The following ITGA7 variants were observed in gnomAD, a reference collection of about 807,000 sequenced individuals.
The protein encoded by ITGA7 is integrin subunit alpha 7.
Under a neutral mutation model 131.6 loss-of-function variants are expected in ITGA7, and 84 were observed. The observed-to-expected ratio is 0.64, with a 90% CI of 0.54 to 0.77. The LOEUF is 0.77. Among genes scored for constraint, ITGA7 ranks in the 30% least tolerant of loss-of-function variants. ITGA7 has a pLI of 0.00. For synonymous variants in ITGA7, 548 were observed against 600.7 expected, an observed-to-expected ratio of 0.91 and a Z score of 1.28; for missense variants, 1,399 against 1,482.9, an observed-to-expected ratio of 0.94 and a Z score of 0.93.
chr12:55,700,099 G>A, intron 4 of ITGA7, 110 bp from the exon 5 acceptor site: 1 of 1,471,786 alleles, frequency 6.8e-7, no homozygotes, highest in Non-Finnish European at 9.4e-7. Context: ...AGAAGAGGTG[G>A]AGAGAGAAAA....
chr12:55,708,430 C>T (rs1229005497), upstream of ITGA7, among the ~76,000 whole-genome samples: 4 of 152,002 alleles, frequency 2.6e-5, no homozygotes, highest in African/African-American at 9.7e-5. Context: ...CATCCCCCGC[C>T]CCCAGCCCGG....
chr12:55,706,158 T>G (rs1875137163), intron 1 of ITGA7, among the ~76,000 whole-genome samples: 1 of 152,144 alleles, frequency 6.6e-6, no homozygotes, highest in Non-Finnish European at 1.5e-5. Context: ...CTTAGAGAGT[T>G]CAGCATGTCC....
chr12:55,712,669 G>A (rs560820963), upstream of ITGA7, among the ~76,000 whole-genome samples: 15 of 152,294 alleles, frequency 9.8e-5, no homozygotes, highest in East Asian at 7.7e-4. Context: ...ATATGTATGC[G>A]ACTTGTGTCC....
chr12:55,704,223 G>A (rs1167386646), intron 1 of ITGA7, among the ~76,000 whole-genome samples: 1 of 152,208 alleles, frequency 6.6e-6, no homozygotes, highest in Non-Finnish European at 1.5e-5. Context: ...TTCCTGGGGG[G>A]CAAGGCCCAA....
chr12:55,688,691 C>A (rs1459060289), intron 22 of ITGA7, among the ~76,000 whole-genome samples, 153 bp downstream of exon 22: 1 of 148,472 alleles, frequency 6.7e-6, no homozygotes, highest in Admixed American at 6.8e-5. Context: ...CCACTGCACT[C>A]CAGCCTGGGG....
chr12:55,698,125 T>C, intron 7 of ITGA7, 99 bp from the exon 8 acceptor site: 1 of 1,171,146 alleles, frequency 8.5e-7, no homozygotes, highest in South Asian at 1.2e-5. Context: ...GTTTTCTATT[T>C]TATTGAGAGG....
At position 55,707,865 on chromosome 12, in the gene ITGA7, C is replaced by A; in HGVS notation, c.-183G>T. 6.9e-7 allele frequency: 1 copy of A among 1,447,648 alleles called. No individual in the cohort carries two copies. The highest frequency in any genetic ancestry group is 1.4e-5 in the South Asian group (1 of 71,266). 89.7% of individuals were successfully genotyped at this position (1,447,648 alleles called of 1,614,324 possible). A position where few individuals can be genotyped will look rare whatever the true frequency, so the allele number is the denominator to read the frequency against. On this transcript the variant is annotated 5_prime_UTR_variant, in exon 1 of 25. Transcript: ENST00000257879. ...CTCCGCCACCCCGCCGCCCCAGCAC[C>A]GGCTAGGACAACTACAGCAGCCGCA...
chr12:55,697,655 C>T (rs1207181037), intron 9 of ITGA7, 40 bp downstream of exon 9: 1 of 1,613,952 alleles, frequency 6.2e-7, no homozygotes, highest in Non-Finnish European at 8.5e-7. Context: ...CAGGGAGGGG[C>T]TGACGGCCTC....
chr12:55,702,861 G>GCAAT lies in ITGA7; in HGVS notation c.414+7_414+10dup. 1 of 1,608,314 alleles carries GCAAT rather than the reference G, an allele frequency of 6.2e-7. No homozygotes were observed. The highest frequency in any genetic ancestry group is 8.5e-7 in the Non-Finnish European group (1 of 1,176,494). On this transcript the variant is annotated intron_variant, in intron 3 of 24. Coordinates refer to ENST00000257879, the MANE Select transcript of ITGA7 (RefSeq NM_002206.3). ...CCATCCGTGCATTCAGTCATGAGAA[G>GCAAT]CAATACTCACAACAATCTTGCCCCC...
At chr12:55,700,537 G>GGTT in intron 4 of ITGA7, 2 of 970,268 alleles carry the variant, frequency 2.1e-6, no homozygotes, top group Non-Finnish European at 3.0e-6. Flanking sequence ...AGGCTTCCTG[G>GGTT]GGTCCCCCAG....
At chr12:55,704,486 G>C (rs1478188973) in intron 1 of ITGA7, among the ~76,000 whole-genome samples, 1 of 152,190 alleles carries the variant, frequency 6.6e-6, no homozygotes, top group African/African-American at 2.4e-5. Context: ...TCAGGCGCTG[G>C]TGAGACAAGG....
chr12:55,688,462 C>T (rs1423656051), intron 22 of ITGA7, among the ~76,000 whole-genome samples, 162 bp from the exon 23 acceptor site: 3 of 152,128 alleles, frequency 2.0e-5, no homozygotes, highest in Admixed American at 6.5e-5. Context: ...CAGTGGCTCA[C>T]ACCTGTAATC....
Position 55,701,069 on chromosome 12 carries a change from C to A in ITGA7, c.500G>T (p.Ser167Ile). 6.2e-7 allele frequency: 1 copy of A among 1,614,246 alleles called. No homozygotes were observed. Among genetic ancestry groups the A allele is most frequent in the Non-Finnish European group, 8.5e-7 (1 of 1,180,042 alleles). Residue 167 changes from serine to isoleucine, a missense_variant, in exon 4 of 25, where the codon AGC (serine) becomes ATC (isoleucine). By Grantham distance (142) the Ser-to-Ile change is moderately radical. Transcript: ENST00000257879. ...CTCATCCCGGATGGCCAGGTCCTGGCTGAGCACAAAGCAGCGACCAATCAT... is the reference window on the plus strand; with the variant it reads ...CTCATCCCGGATGGCCAGGTCCTGGATGAGCACAAAGCAGCGACCAATCAT... ...RDMIGRCFVLSQDLAIRDELD... is the reference protein window; with the variant it reads ...RDMIGRCFVLIQDLAIRDELD...
At chr12:55,697,876 TC>T in intron 8 of ITGA7, 54 bp from the exon 9 acceptor site, 1 of 1,613,980 alleles carries the variant, frequency 6.2e-7, no homozygotes, top group Non-Finnish European at 8.5e-7. Context: ...GGCCTCTGCC[TC>T]CCCTGATGCC....
chr12:55,699,702 G>C (rs1223354142), intron 5 of ITGA7, 168 bp downstream of exon 5: 1 of 882,080 alleles, frequency 1.1e-6, no homozygotes, highest in African/African-American at 1.7e-5. Context: ...CTCCTCTTAG[G>C]CCTGATCATT....
upstream of ITGA7, chr12:55,707,972 G>A: frequency 2.3e-6 from 3 of 1,298,328 alleles, no homozygotes; most frequent in Middle Eastern, 3.1e-4. Flanking sequence ...CCTCGCTCCC[G>A]CGGCAGGTGG....
rs563375580 is a variant in ITGA7, at chr12:55,699,428, G to A, written c.790+442C>T. The A allele has an allele frequency of 3.3e-4, 91 of 276,902 alleles. 3 individuals are homozygous for A. The highest frequency in any genetic ancestry group is 1.7e-3 in the South Asian group (43 of 25,264). The allele number at this position is 276,902 out of a possible 1,614,324, so 17.2% of individuals were successfully genotyped here. A position where few individuals can be genotyped will look rare whatever the true frequency, so the allele number is the denominator to read the frequency against. The stretch of plus-strand genomic sequence containing the variant: ...GGGAGACAAGGGGGAGTGAGAGAGC[G>A]CCTGCTTCACCCAAACATCTCCCAG... On this transcript the variant is annotated intron_variant, in intron 5 of 24. Coordinates refer to ENST00000257879, the MANE Select transcript of ITGA7 (RefSeq NM_002206.3).
intron 4 of ITGA7, 96 bp downstream of exon 4, chr12:55,700,803 C>T (rs1873830824): frequency 4.7e-6 from 7 of 1,495,138 alleles, no homozygotes; most frequent in African/African-American, 1.4e-5. Context: ...CAGCAGTGCA[C>T]ATGTGGTCAT....
At position 55,698,021 on chromosome 12, in the gene ITGA7, C is replaced by A; in HGVS notation, c.1198G>T (p.Ala400Ser). 1 of 1,613,854 alleles carries A rather than the reference C, an allele frequency of 6.2e-7. No individual in the cohort carries two copies. Among genetic ancestry groups the A allele is most frequent in the Non-Finnish European group, 8.5e-7 (1 of 1,179,896 alleles). Reference sequence around the variant, plus strand: ...TCACCATCAAAGGGGGCACCCACTGCAATATCTGCAGGGCACAGGGAAAAG... The same window carrying A: ...TCACCATCAAAGGGGGCACCCACTGAAATATCTGCAGGGCACAGGGAAAAG... ...DLNQDGFPDIAVGAPFDGDGK... is the reference protein window; with the variant it reads ...DLNQDGFPDISVGAPFDGDGK... The change falls in exon 8 of 25, where the codon GCA (alanine) becomes TCA (serine). Residue 400 changes from alanine (A) to serine (S), a missense_variant. Ala to Ser is a moderately conservative substitution (Grantham distance 99). Transcript: ENST00000257879.
Sources: allele counts gnomAD v4.1 joint callset (sites outside exome capture counted in the v4.1 genomes callset), GRCh38; gene constraint gnomAD v4.1.1; transcripts MANE v1.5; gene names NCBI Gene and HGNC (gene_info 2026-07-23, HGNC 2026-07-21).